Variants in IMPA1 observed in about 807,000 individuals in gnomAD.
IMPA1 encodes the protein inositol monophosphatase 1, also known as D-galactose 1-phosphate phosphatase.
IMPA1 carries 21 observed loss-of-function variants against 34.9 expected under a neutral mutation model. The ratio of observed to expected loss-of-function variants is 0.60; its 90% CI spans 0.43 to 0.87. IMPA1 has a LOEUF of 0.87. Ranked by LOEUF, IMPA1 falls within the 40% of genes least tolerant of loss-of-function variation. The pLI is 0.00. For missense variants in IMPA1, 299 were observed against 336.4 expected (o/e 0.89, Z 0.87); for synonymous variants, 95 against 104.4 (o/e 0.91, Z 0.55).
At chr8:81,659,616 T>C in intron 8 of IMPA1, 150 bp from the exon 9 acceptor site, 1 of 607,014 alleles carries the variant, frequency 1.6e-6, no homozygotes, top group South Asian at 2.0e-5. Context: ...CTACAATGTA[T>C]AAGCTTAGAC....
rs1463509577 is a variant in IMPA1, at chr8:81,658,505, G to A, written c.*846C>T. The stretch of plus-strand genomic sequence containing the variant: ...AAAATGTTATATTGTATCTAATTAT[G>A]TCAGATATCTGATGAGAGTGCTTTT... On this transcript the variant is annotated 3_prime_UTR_variant, in exon 9 of 9. Transcript: ENST00000256108. 1 of 152,500 alleles carries A rather than the reference G, an allele frequency of 6.6e-6. No homozygotes were observed. The highest frequency in any genetic ancestry group is 6.5e-5 in the Admixed American group (1 of 15,274). The allele number at this position is 152,500 out of a possible 1,614,324, so 9.4% of individuals were successfully genotyped here.
At chr8:81,664,035 G>GA (rs540331934) in intron 7 of IMPA1, among the ~76,000 whole-genome samples, 4,622 of 150,006 alleles carry the variant, frequency 0.031, 103 homozygotes, top group Non-Finnish European at 0.044. Context: ...CTCCGTCTCA[G>GA]AAAAAAAAAT....
rs760961461 is a variant in IMPA1 at position 81,660,555 on chromosome 8, T to C, written c.679A>G (p.Ile227Val). 33 of 1,613,742 alleles carry C rather than the reference T, an allele frequency of 2.0e-5. No homozygotes were observed. The East Asian group carries it at 7.1e-4, about 35-fold the overall frequency. ...HCWDVAGAGI[I>V]VTEAGGVLMD... Reference sequence around the variant, plus strand: ...AGCACGCCACCAGCTTCAGTAACAATAATGCCAGCTCCTGCAACATCCCAG... The same window carrying C: ...AGCACGCCACCAGCTTCAGTAACAACAATGCCAGCTCCTGCAACATCCCAG... The change falls in exon 8 of 9, where the codon ATT (isoleucine) becomes GTT (valine). Residue 227 changes from isoleucine to valine, a missense_variant. Ile to Val is a conservative substitution (Grantham distance 29, BLOSUM62 3). Coordinates refer to ENST00000256108, the MANE Select transcript of IMPA1 (RefSeq NM_005536.4).
intron 1 of IMPA1, among the ~76,000 whole-genome samples, chr8:81,684,518 TA>T (rs763532900): frequency 2.0e-4 from 6 of 30,674 alleles, no homozygotes; most frequent in South Asian, 1.4e-3. Flanking sequence ...CTTTAGATAC[TA>T]TGTGTAGTAT....
rs1339332689 is a variant in IMPA1 at position 81,684,112 on chromosome 8, TATACACACACACACACATACACAC to T, written c.-25+2116_-25+2139del. On this transcript the variant is annotated intron_variant, in intron 1 of 8. Transcript: ENST00000256108. ...TGGATGCAAACTATATATATATATA[TATACACACACACACACATACACAC>T]ATACACACACACACACACATACACA... 2.2e-4 allele frequency among the ~76,000 whole-genome samples: 32 copies of T among 145,692 alleles called. 1 individual carries two copies. The highest frequency in any genetic ancestry group is 2.0e-4 in the East Asian group (1 of 4,976).
chr8:81,680,447 C>G (rs1455730948), intron 3 of IMPA1, among the ~76,000 whole-genome samples: 2 of 152,204 alleles, frequency 1.3e-5, no homozygotes, highest in African/African-American at 4.8e-5. Context: ...CCCCCAGGAA[C>G]TGACATCTGC....
At chr8:81,676,697 T>C (rs1407313689) in intron 4 of IMPA1, among the ~76,000 whole-genome samples, 1 of 152,156 alleles carries the variant, frequency 6.6e-6, no homozygotes, top group Non-Finnish European at 1.5e-5. Context: ...GTAAAAATAT[T>C]TTTTCATGGC....
intron 6 of IMPA1, among the ~76,000 whole-genome samples, chr8:81,671,768 G>GCACCTGTAATCCCAGCTA (rs1806994311): frequency 6.6e-6 from 1 of 151,924 alleles, no homozygotes; most frequent in Non-Finnish European, 1.5e-5. Context: ...ATGGTGGTGC[G>GCACCTGTAATCCCAGCTA]CACCTGTAAT....
Position 81,686,035 on chromosome 8 carries a change from C to T in IMPA1, c.-25+217G>A, listed in dbSNP as rs866898992. The T allele has an allele frequency of 1.2e-5, 15 of 1,247,410 alleles. No homozygotes were observed. The Middle Eastern group carries it at 3.1e-3, about 256-fold the overall frequency. The allele number at this position is 1,247,410 out of a possible 1,614,324, so 77.3% of individuals were successfully genotyped here. On this transcript the variant is annotated intron_variant, in intron 1 of 8. Transcript: ENST00000256108. ...CCGCCACAGAGGTTAAGTGAGGTCG[C>T]GTGAGCGAACCGCTACTCCAATGCC...
At chr8:81,671,118 G>A in intron 6 of IMPA1, 71 bp from the exon 7 acceptor site, 1 of 623,368 alleles carries the variant, frequency 1.6e-6, no homozygotes, top group Non-Finnish European at 2.6e-6. Context: ...TTCAGAAGAG[G>A]GCATTTGTAT....
chr8:81,675,250 C>G (rs1250444569), intron 5 of IMPA1, among the ~76,000 whole-genome samples: 1 of 151,158 alleles, frequency 6.6e-6, no homozygotes, highest in East Asian at 2.0e-4. Flanking sequence ...TTCCCACCAC[C>G]CCCCCACCCC....
intron 2 of IMPA1, among the ~76,000 whole-genome samples, chr8:81,681,276 C>T (rs1358914647): frequency 6.6e-6 from 1 of 152,150 alleles, no homozygotes; most frequent in Admixed American, 6.5e-5. Context: ...CTGCTGTAGT[C>T]CCAGCTACTC....
Position 81,679,198 on chromosome 8 carries a change from T to G in IMPA1, c.230A>C (p.Glu77Ala). The G allele has an allele frequency of 6.2e-7, 1 of 1,613,906 alleles. No homozygotes were observed. The highest frequency in any genetic ancestry group is 8.5e-7 in the Non-Finnish European group (1 of 1,179,862). Residue 77 changes from glutamate to alanine, a missense_variant, in exon 4 of 9, where the codon GAA becomes GCA. By Grantham distance (107) the Glu-to-Ala change is moderately radical. Transcript: ENST00000256108. ...GGGGTTGTCGGTTAAGATACTTTTT[T>G]CCCCAGCTGCCACAGATTCTTCACC... ...FIGEESVAAGEKSILTDNPTW... is the reference protein window; with the variant it reads ...FIGEESVAAGAKSILTDNPTW...
intron 7 of IMPA1, among the ~76,000 whole-genome samples, chr8:81,668,668 C>T (rs1202483921): frequency 6.6e-6 from 1 of 152,034 alleles, no homozygotes; most frequent in Non-Finnish European, 1.5e-5. Flanking sequence ...CTCAGCCTGG[C>T]CAAGAGTGAA....
intron 7 of IMPA1, among the ~76,000 whole-genome samples, chr8:81,670,246 A>G (rs1004602750): frequency 2.6e-5 from 4 of 152,238 alleles, no homozygotes; most frequent in African/African-American, 9.6e-5. Flanking sequence ...AAAATAATGA[A>G]AACAGTAAGT....
intron 6 of IMPA1, among the ~76,000 whole-genome samples, chr8:81,672,433 C>G (rs1770705900): frequency 6.6e-6 from 1 of 152,180 alleles, no homozygotes; most frequent in Non-Finnish European, 1.5e-5. Context: ...CTACAGGGGG[C>G]TCTAGACTCA....
At chr8:81,679,934 A>G (rs1036190946) in intron 3 of IMPA1, among the ~76,000 whole-genome samples, 7 of 151,962 alleles carry the variant, frequency 4.6e-5, no homozygotes. Flanking sequence ...CAGGAGTTCA[A>G]CACCAGCCTG....
intron 7 of IMPA1, among the ~76,000 whole-genome samples, chr8:81,664,348 A>G (rs1408651647): frequency 2.0e-5 from 3 of 152,176 alleles, no homozygotes; most frequent in Admixed American, 6.5e-5. Flanking sequence ...AAACTCTCAA[A>G]CTACCTCTAA....
chr8:81,685,547 A>C lies in IMPA1; in HGVS notation c.-25+705T>G, dbSNP rs796728518. 8.2e-5 allele frequency among the ~76,000 whole-genome samples: 12 copies of C among 145,598 alleles called. No homozygotes were observed. The East Asian group carries it at 2.4e-3, about 29-fold the overall frequency. ...TACTATATATAAGTATATATACGTAAGTATATTTATGTACTATATATAAGT... is the reference window on the plus strand; with the variant it reads ...TACTATATATAAGTATATATACGTACGTATATTTATGTACTATATATAAGT... On this transcript the variant is annotated intron_variant, in intron 1 of 8. Transcript: ENST00000256108.
Sources: allele counts gnomAD v4.1 joint callset (sites outside exome capture counted in the v4.1 genomes callset), GRCh38; gene constraint gnomAD v4.1.1; transcripts MANE v1.5; gene names NCBI Gene and HGNC (gene_info 2026-07-23, HGNC 2026-07-21).